Variants in SHISA9 observed in about 807,000 individuals in gnomAD.
SHISA9 encodes protein shisa-9.
SHISA9 carries 13 observed loss-of-function variants against 38.0 expected under a neutral mutation model. The ratio of observed to expected loss-of-function variants is 0.34; its 90% CI spans 0.22 to 0.54. The LOEUF (loss-of-function observed/expected upper bound fraction) is 0.54, where lower values mean the gene tolerates loss of function less well. SHISA9 is among the 20% of genes least tolerant of loss of function. The pLI is 0.91. For missense variants in SHISA9, 538 were observed against 575.8 expected (o/e 0.93, Z 0.67); for synonymous variants, 275 against 242.0 (o/e 1.14, Z -1.27).
rs114689589 is a variant in SHISA9 at position 12,908,106 on chromosome 16, A to G, written c.563+5479A>G. Among the ~76,000 whole-genome samples, 1,407 of 152,326 alleles carry G rather than the reference A, an allele frequency of 9.2e-3. 23 individuals are homozygous for G. The highest frequency in any genetic ancestry group is 0.031 in the African/African-American group (1,300 of 41,562). On this transcript the variant is annotated intron_variant, in intron 1 of 4. Transcript: ENST00000558583. Reference sequence around the variant, plus strand: ...AGGATTCACTGAGACAGGGCTTGGAAAACAATGAGCTCAGGACCTGTCACA... The same window carrying G: ...AGGATTCACTGAGACAGGGCTTGGAGAACAATGAGCTCAGGACCTGTCACA...
chr16:13,547,643 G>A, the SHISA9 span, among the ~76,000 whole-genome samples: 7 of 152,116 alleles, frequency 4.6e-5, no homozygotes, highest in East Asian at 1.4e-3. Context: ...ACATTGATAA[G>A]GGGGGATATT....
At chr16:13,384,695 G>C in the SHISA9 span, among the ~76,000 whole-genome samples, 2 of 152,194 alleles carry the variant, frequency 1.3e-5, no homozygotes, top group African/African-American at 4.8e-5. Flanking sequence ...GGAAAATGAA[G>C]AGAAGTTCAA....
the SHISA9 span, among the ~76,000 whole-genome samples, chr16:13,345,463 T>G: frequency 6.6e-6 from 1 of 152,214 alleles, no homozygotes; most frequent in Non-Finnish European, 1.5e-5. Flanking sequence ...CTACACAGTA[T>G]TCCATGGTGT....
chr16:13,498,975 G>A, the SHISA9 span, among the ~76,000 whole-genome samples: 2 of 152,094 alleles, frequency 1.3e-5, no homozygotes, highest in African/African-American at 4.8e-5. Context: ...TTGCTGAGAG[G>A]ATACCTATGG....
intron 2 of SHISA9, among the ~76,000 whole-genome samples, chr16:13,001,258 T>C (rs573558929): frequency 8.5e-5 from 13 of 152,288 alleles, no homozygotes; most frequent in Non-Finnish European, 1.6e-4. Flanking sequence ...GCAACTTTCT[T>C]GTTGGCTTGT....
chr16:13,358,825 G>A, the SHISA9 span, among the ~76,000 whole-genome samples: 1 of 152,142 alleles, frequency 6.6e-6, no homozygotes, highest in Admixed American at 6.5e-5. Flanking sequence ...ATAAAAAGAT[G>A]AACATGATAT....
In SHISA9 at chr16:12,975,958, C is replaced by T. The variant is rs776958137; in HGVS notation, c.691+59143C>T. ...TAATTCATCAGCAAATCTGATGACC[C>T]GGGGCATCCTGACTAATCAAACTTT... is the stretch of plus-strand genomic sequence containing the variant. On this transcript the variant is annotated intron_variant, in intron 2 of 4. Coordinates refer to ENST00000558583, the MANE Select transcript of SHISA9 (RefSeq NM_001145204.3). Among the ~76,000 whole-genome samples the T allele has an allele frequency of 1.4e-4, 22 of 151,944 alleles. 1 individual carries two copies. The highest frequency in any genetic ancestry group is 4.1e-4 in the African/African-American group (17 of 41,362).
At position 12,985,495 on chromosome 16, in the gene SHISA9, G is replaced by A. The variant is rs546454498; in HGVS notation, c.691+68680G>A. ...TCACCTGCCTGGTCCCTGGCACGCT[G>A]TGGGCACTCTATTACGTTTTAACTC... On this transcript the variant is annotated intron_variant, in intron 2 of 4. Coordinates refer to ENST00000558583, the MANE Select transcript of SHISA9 (RefSeq NM_001145204.3). Among the ~76,000 whole-genome samples the A allele has an allele frequency of 1.8e-4, 27 of 152,284 alleles. 1 individual carries two copies. The highest frequency in any genetic ancestry group is 5.2e-4 in the Admixed American group (8 of 15,296).
chr16:13,071,557 T>TTTCCTTCCTTCCTTCCTTCCTTCCTTCC (rs1466130953), intron 2 of SHISA9, among the ~76,000 whole-genome samples: 1 of 130,846 alleles, frequency 7.6e-6, no homozygotes, highest in South Asian at 2.2e-4. Flanking sequence ...CCATTCCCTT[T>TTTCCTTCCTTCCTTCCTTCCTTCCTTCC]TTCCTTCCTT....
At chr16:13,373,945 G>A in the SHISA9 span, among the ~76,000 whole-genome samples, 5 of 152,148 alleles carry the variant, frequency 3.3e-5, no homozygotes, top group Admixed American at 2.0e-4. Context: ...TGGAGTTTGG[G>A]CATTAACCCC....
intron 2 of SHISA9, among the ~76,000 whole-genome samples, chr16:13,117,574 G>A (rs1346303119): frequency 6.6e-6 from 1 of 152,104 alleles, no homozygotes; most frequent in African/African-American, 2.4e-5. Context: ...GAACAGACAC[G>A]CAGAAGAGAG....
chr16:13,204,740 G>A (rs962322039), intron 3 of SHISA9: 1 of 152,212 alleles, frequency 6.6e-6, no homozygotes, highest in African/African-American at 2.4e-5. Context: ...CCAAGGTGAA[G>A]ACACAATGAT....
chr16:13,099,433 G>A (rs1567211857), intron 2 of SHISA9, among the ~76,000 whole-genome samples: 1 of 152,192 alleles, frequency 6.6e-6, no homozygotes, highest in Non-Finnish European at 1.5e-5. Context: ...GACAAAGAAT[G>A]CTGGGGAGAG....
chr16:13,481,628 T>G, the SHISA9 span, among the ~76,000 whole-genome samples: 1 of 152,288 alleles, frequency 6.6e-6, no homozygotes, highest in East Asian at 1.9e-4. Context: ...TACCACTGTG[T>G]CCTCAGTGCC....
chr16:13,033,076 T>C (rs183720799), intron 2 of SHISA9, among the ~76,000 whole-genome samples: 15 of 152,332 alleles, frequency 9.8e-5, no homozygotes, highest in African/African-American at 3.6e-4. Flanking sequence ...TTCGCAACCA[T>C]ACAGCTTCAA....
chr16:13,287,115 G>A, the SHISA9 span, among the ~76,000 whole-genome samples: 11 of 152,092 alleles, frequency 7.2e-5, no homozygotes, highest in Non-Finnish European at 1.3e-4. Context: ...ATGTAAGTAC[G>A]TTATTTAAAA....
chr16:13,352,097 C>A, the SHISA9 span, among the ~76,000 whole-genome samples: 1 of 152,236 alleles, frequency 6.6e-6, no homozygotes, highest in East Asian at 1.9e-4. Flanking sequence ...TCTTCAGCTT[C>A]TAACACCAAA....
chr16:13,152,727 T>C (rs908261982), intron 2 of SHISA9, among the ~76,000 whole-genome samples: 1 of 152,118 alleles, frequency 6.6e-6, no homozygotes, highest in Admixed American at 6.6e-5. Flanking sequence ...GTTTGATGAA[T>C]TGATGAAGAC....
chr16:13,303,000 A>C, the SHISA9 span, among the ~76,000 whole-genome samples: 3 of 152,220 alleles, frequency 2.0e-5, no homozygotes, highest in Non-Finnish European at 4.4e-5. Context: ...ACTGTGAGTC[A>C]GTTAAACCTC....
Sources: allele counts gnomAD v4.1 joint callset (sites outside exome capture counted in the v4.1 genomes callset), GRCh38; gene constraint gnomAD v4.1.1; transcripts MANE v1.5; gene names NCBI Gene and HGNC (gene_info 2026-07-23, HGNC 2026-07-21).